Variants in SHPRH observed in about 807,000 individuals in gnomAD.
SHPRH encodes the protein E3 ubiquitin-protein ligase SHPRH.
SHPRH carries 106 observed loss-of-function variants against 202.5 expected under a neutral mutation model. The ratio of observed to expected loss-of-function variants is 0.52; its 90% CI spans 0.45 to 0.62. SHPRH has a LOEUF of 0.62. Among genes scored for constraint, SHPRH ranks in the 20% least tolerant of loss-of-function variants. SHPRH has a pLI of 0.00. For missense variants in SHPRH, 1,710 were observed against 2,020.0 expected (o/e 0.85, Z 2.94); for synonymous variants, 729 against 686.0 (o/e 1.06, Z -0.98).
At chr6:145,898,572 G>A (rs1782215437) in intron 25 of SHPRH, among the ~76,000 whole-genome samples, 1 of 152,048 alleles carries the variant, frequency 6.6e-6, no homozygotes, top group Non-Finnish European at 1.5e-5. Context: ...TCATGGGGGT[G>A]GATCCTTTAT....
At chr6:145,941,533 C>T in intron 10 of SHPRH, 90 bp downstream of exon 10, 1 of 1,540,740 alleles carries the variant, frequency 6.5e-7, no homozygotes, top group Non-Finnish European at 8.7e-7. Flanking sequence ...TACAGGTTAA[C>T]TATGCTTAAA....
chr6:145,864,654 A>G (rs1779692721), intron 2 of SHPRH, among the ~76,000 whole-genome samples: 1 of 150,716 alleles, frequency 6.6e-6, no homozygotes, highest in African/African-American at 2.4e-5. Context: ...GAACAAAATA[A>G]TAGCCCATGA....
intron 2 of SHPRH, among the ~76,000 whole-genome samples, chr6:145,879,363 T>C (rs909159412): frequency 6.6e-6 from 1 of 152,146 alleles, no homozygotes; most frequent in Non-Finnish European, 1.5e-5. Context: ...TGGCTGAAGA[T>C]ATTCTGGAAC....
Position 145,893,387 on chromosome 6 carries a change from G to A in SHPRH, c.4702C>T (p.Leu1568Phe), listed in dbSNP as rs201937822. 1.3e-4 allele frequency: 198 copies of A among 1,582,938 alleles called. 1 individual carries two copies. Among genetic ancestry groups the A allele is most frequent in the Non-Finnish European group, 1.4e-4 (158 of 1,168,878 alleles). ...ISRVKTFQEN[L>F]SAFKRDPQIN... ...TGGGGATCACGTTTAAATGCTGAAAGGTTCTCCTAAAAAAGAAAGGTACAT... is the reference window on the plus strand; with the variant it reads ...TGGGGATCACGTTTAAATGCTGAAAAGTTCTCCTAAAAAAGAAAGGTACAT... The change falls in exon 28 of 30, where the codon CTT becomes TTT. Residue 1568 changes from leucine to phenylalanine, a missense_variant. By Grantham distance (22) the Leu-to-Phe change is conservative. Coordinates refer to ENST00000275233, the MANE Select transcript of SHPRH (RefSeq NM_001042683.3).
At position 145,894,993 on chromosome 6, in the gene SHPRH, C is replaced by CA. The variant is rs1781888498; in HGVS notation, c.4516-17dup. The CA allele has an allele frequency of 3.7e-6, 6 of 1,603,172 alleles. No individual in the cohort carries two copies. In the South Asian group the frequency reaches 5.5e-5, roughly 15 times the overall value. On this transcript the variant is annotated splice_polypyrimidine_tract_variant and intron_variant, in intron 25 of 29. Transcript: ENST00000275233. ...AATGGCTGCCCTTTGAACACACACA[C>CA]AAAATACACATTACTACTAAAAAAT...
intron 2 of SHPRH, among the ~76,000 whole-genome samples, chr6:145,952,683 A>C (rs1194745520): frequency 6.6e-6 from 1 of 152,092 alleles, no homozygotes. Context: ...TACAATGTAC[A>C]ATTCGAGTTG....
intron 2 of SHPRH, chr6:145,877,657 A>G (rs1780365067): frequency 2.6e-5 from 4 of 152,172 alleles, no homozygotes; most frequent in African/African-American, 9.7e-5. Context: ...TGGATAATCA[A>G]CTAAGAGCTA....
intron 25 of SHPRH, among the ~76,000 whole-genome samples, chr6:145,896,641 T>C (rs1241299165): frequency 6.6e-6 from 1 of 152,004 alleles, no homozygotes; most frequent in African/African-American, 2.4e-5. Flanking sequence ...CCTACTTTCC[T>C]AGCAGAATAT....
chr6:145,871,062 A>G (rs1277299585), intron 2 of SHPRH: 2 of 152,184 alleles, frequency 1.3e-5, no homozygotes, highest in Non-Finnish European at 2.9e-5. Flanking sequence ...CCTCAAAATA[A>G]TAAGAGCCAT....
intron 26 of SHPRH, among the ~76,000 whole-genome samples, chr6:145,894,654 T>A (rs1323625341): frequency 6.6e-6 from 1 of 151,724 alleles, no homozygotes; most frequent in Non-Finnish European, 1.5e-5. Flanking sequence ...ACTAAGAAAA[T>A]CCTTAAATGA....
intron 20 of SHPRH, 52 bp downstream of exon 20, chr6:145,922,234 C>A (rs1784489125): frequency 1.3e-6 from 2 of 1,510,370 alleles, no homozygotes; most frequent in East Asian, 2.4e-5. Context: ...ATAACTGAGT[C>A]TTGCAAAATG....
chr6:145,898,568 G>A (rs1464246050), intron 25 of SHPRH, among the ~76,000 whole-genome samples: 1 of 152,052 alleles, frequency 6.6e-6, no homozygotes, highest in Non-Finnish European at 1.5e-5. Context: ...TGAGTCATGG[G>A]GGTGGATCCT....
At chr6:145,858,443 G>GA in the SHPRH span, among the ~76,000 whole-genome samples, 1 of 151,906 alleles carries the variant, frequency 6.6e-6, no homozygotes, top group Non-Finnish European at 1.5e-5. Flanking sequence ...TATACTTACT[G>GA]AAAAAAGCCA....
At chr6:145,880,811 T>C (rs1176465819), downstream of SHPRH, among the ~76,000 whole-genome samples, 2 of 152,022 alleles carry the variant, frequency 1.3e-5, no homozygotes, top group African/African-American at 2.4e-5. Flanking sequence ...TAAAACAAAA[T>C]GATGTGAGGT....
chr6:145,919,842 A>G (rs1239605271), intron 21 of SHPRH, among the ~76,000 whole-genome samples: 1 of 152,160 alleles, frequency 6.6e-6, no homozygotes, highest in Non-Finnish European at 1.5e-5. Context: ...AATGGCAACA[A>G]GAATACTAAA....
chr6:145,911,348 C>G (rs1271319080), intron 24 of SHPRH, among the ~76,000 whole-genome samples: 2 of 152,092 alleles, frequency 1.3e-5, no homozygotes. Context: ...ACTGACCAGA[C>G]TGGTCTCGAA....
intron 11 of SHPRH, among the ~76,000 whole-genome samples, chr6:145,936,405 C>T (rs527302000): frequency 6.6e-6 from 1 of 152,316 alleles, no homozygotes; most frequent in South Asian, 2.1e-4. Context: ...TCTTAGCTCA[C>T]TGCAGCCTCA....
In SHPRH at chr6:145,935,318, T is replaced by C. The variant is rs1473478345; in HGVS notation, c.2693A>G (p.Lys898Arg). The change falls in exon 12 of 30, where the codon AAG (lysine) becomes AGG (arginine). Residue 898 changes from lysine to arginine, a missense_variant. Around this residue, in one of 8 missense-constraint regions of SHPRH, gnomAD observed 277 missense variants for 363.0 expected, o/e 0.76. Transcript: ENST00000275233. ...NPQHLYSFIA[K>R]ILWRSAKKDV... ...TTTCTTTGCAGACCTCCACAGTATC[T>C]TGGCAATAAAGCTGTAGAGATGCTG... 3.1e-6 allele frequency: 5 copies of C among 1,614,106 alleles called. No individual in the cohort carries two copies. Among genetic ancestry groups the C allele is most frequent in the Non-Finnish European group, 4.2e-6 (5 of 1,180,010 alleles).
chr6:145,881,692 G>C (rs144248718), downstream of SHPRH: 1 of 152,008 alleles, frequency 6.6e-6, no homozygotes, highest in East Asian at 1.9e-4. Flanking sequence ...TCTGATAAGC[G>C]TCCTTTTTAT....
Sources: gnomAD v4.1 joint callset for allele counts (sites outside exome capture counted in the v4.1 genomes callset) on GRCh38, gnomAD v4.1.1 for gene constraint, gnomAD v4.1.1 regional missense constraint, MANE v1.5 for transcripts, NCBI Gene and HGNC (gene_info 2026-07-23, HGNC 2026-07-21) for gene names.